SRPRA: variants seen among roughly 807,000 people sequenced by gnomAD.
The protein encoded by SRPRA is SRP receptor subunit alpha.
A neutral mutation model predicts 61.1 loss-of-function variants in SRPRA; 30 were observed. The ratio of observed to expected loss-of-function variants is 0.49; its 90% confidence interval spans 0.37 to 0.67. The LOEUF is 0.67. SRPRA is among the 30% of genes least tolerant of loss of function. SRPRA has a pLI of 0.00. For missense variants in SRPRA, 759 were observed against 828.4 expected (o/e 0.92, Z 1.03); for synonymous variants, 324 against 299.7 (o/e 1.08, Z -0.84).
chr11:126,261,775 G>C (rs1287761494), downstream of SRPRA, among the ~76,000 whole-genome samples: 1 of 152,156 alleles, frequency 6.6e-6, no homozygotes, highest in Non-Finnish European at 1.5e-5. Flanking sequence ...GATTGCTTGA[G>C]CCCAGGAGTT....
chr11:126,262,406 G>A, downstream of SRPRA: 2 of 522,666 alleles, frequency 3.8e-6, no homozygotes, highest in South Asian at 5.1e-5. Flanking sequence ...AGACATGCTT[G>A]TGTCCACACA....
rs772765611 is a variant in SRPRA at position 126,268,696 on chromosome 11, G to C, written c.109C>G (p.Leu37Val). 1.2e-6 allele frequency: 2 copies of C among 1,613,476 alleles called. No individual in the cohort carries two copies. Among genetic ancestry groups the C allele is most frequent in the Non-Finnish European group, 1.7e-6 (2 of 1,179,668 alleles). The stretch of plus-strand genomic sequence containing the variant: ...TCCCACGGGGACGGTACCTGCAGCA[G>C]CACGGAACGAATCAACGCGTTAACG... The part of the protein sequence containing the change: ...GPVNALIRSV[L>V]LQERGGNNSF... The change falls in exon 1 of 14, where the codon CTG becomes GTG. Residue 37 changes from leucine to valine, a missense_variant. Physicochemically the swap from Leu to Val is conservative, Grantham distance 32 (BLOSUM62 1). Coordinates refer to ENST00000332118, the MANE Select transcript of SRPRA (RefSeq NM_003139.4).
At chr11:126,242,498 C>G in the SRPRA span, among the ~76,000 whole-genome samples, 5 of 151,932 alleles carry the variant, frequency 3.3e-5, no homozygotes, top group Non-Finnish European at 7.4e-5. Context: ...ATCTCATAGG[C>G]GTATAATATC....
Position 126,265,410 on chromosome 11 carries a change from T to C in SRPRA, c.1169A>G (p.Gln390Arg). The C allele has an allele frequency of 1.9e-6, 3 of 1,613,600 alleles. No homozygotes were observed. The highest frequency in any genetic ancestry group is 1.1e-5 in the South Asian group (1 of 91,074). The change falls in exon 10 of 14, where the codon CAG becomes CGG. Residue 390 changes from glutamine (Q) to arginine (R), a missense_variant. By Grantham distance (43) the Gln-to-Arg change is conservative. Around this residue, in one of 2 missense-constraint regions of SRPRA, gnomAD observed 284 missense variants for 365.9 expected, o/e 0.78. Transcript: ENST00000332118. This position sits in a 1 kb window ranked among gnomAD's most constrained non-coding sequence, Gnocchi z 6.3. The stretch of plus-strand genomic sequence containing the variant: ...CTGCAGAATCTGCACCAGGGACTCC[T>C]GTAGGGCTTGCTTTACTGTGGAAGT... ...TVTSTVKQALQESLVQILQPQ... is the reference protein window; with the variant it reads ...TVTSTVKQALRESLVQILQPQ...
chr11:126,256,186 A>T, the SRPRA span, among the ~76,000 whole-genome samples: 1 of 152,188 alleles, frequency 6.6e-6, no homozygotes, highest in Non-Finnish European at 1.5e-5. The surrounding 1 kb of genome is among the most constrained non-coding windows in gnomAD (Gnocchi z 6.6). Flanking sequence ...GAGTCACTTG[A>T]ACCAGGGTGG....
the SRPRA span, among the ~76,000 whole-genome samples, chr11:126,243,528 A>C: frequency 4.6e-5 from 7 of 151,988 alleles, no homozygotes; most frequent in African/African-American, 1.7e-4. Flanking sequence ...GGACACAAAA[A>C]TCCTCAACAA....
At chr11:126,254,142 G>A in the SRPRA span, among the ~76,000 whole-genome samples, 1 of 152,206 alleles carries the variant, frequency 6.6e-6, no homozygotes, top group Non-Finnish European at 1.5e-5. Flanking sequence ...CATTCCTGAA[G>A]TGGAAACTTA....
At chr11:126,238,862 C>T in the SRPRA span, among the ~76,000 whole-genome samples, 9 of 150,712 alleles carry the variant, frequency 6.0e-5, no homozygotes, top group East Asian at 1.7e-3. Context: ...ACCTAGCCTA[C>T]TTTTTAGGTA....
the SRPRA span, among the ~76,000 whole-genome samples, chr11:126,256,013 G>A: frequency 1.3e-5 from 2 of 152,154 alleles, no homozygotes; most frequent in African/African-American, 2.4e-5. The surrounding 1 kb of genome is among the most constrained non-coding windows in gnomAD (Gnocchi z 6.6). Flanking sequence ...GCTCACGCCT[G>A]TAATCCCAGC....
At chr11:126,238,895 A>G in the SRPRA span, among the ~76,000 whole-genome samples, 2 of 151,892 alleles carry the variant, frequency 1.3e-5, no homozygotes, top group African/African-American at 2.4e-5. Context: ...AAAAAAAAAA[A>G]GTAACTATTA....
Position 126,267,249 on chromosome 11 carries a change from G to A in SRPRA, c.452C>T (p.Ser151Phe). 6.2e-7 allele frequency: 1 copy of A among 1,613,958 alleles called. No homozygotes were observed. The highest frequency in any genetic ancestry group is 8.5e-7 in the Non-Finnish European group (1 of 1,180,004). Residue 151 changes from serine to phenylalanine, a missense_variant, in exon 4 of 14, where the codon TCC becomes TTC. Physicochemically the swap from Ser to Phe is radical, Grantham distance 155. Transcript: ENST00000332118. The surrounding 1 kb of genome is among the most constrained non-coding windows in gnomAD (Gnocchi z 4.2). ...CTTTTCCCCCCGTGTCTCAATCATG[G>A]ACCTCACAGGTTTCTTGGCCTTTTC... ...DSEKAKKPVRSMIETRGEKPK... is the reference protein window; with the variant it reads ...DSEKAKKPVRFMIETRGEKPK...
Position 126,265,902 on chromosome 11 carries a change from G to A in SRPRA, c.1051+61C>T, listed in dbSNP as rs561659138. On this transcript the variant is annotated intron_variant, in intron 8 of 13. Coordinates refer to ENST00000332118, the MANE Select transcript of SRPRA (RefSeq NM_003139.4). The surrounding 1 kb of genome is among the most constrained non-coding windows in gnomAD (Gnocchi z 6.3). ...ATGGTACAGGTGAGAAACGCTAGGT[G>A]ATTCTGCTCTCAACTACCCCTATCC... 1 of 1,610,136 alleles carries A rather than the reference G, an allele frequency of 6.2e-7. No individual in the cohort carries two copies. Among genetic ancestry groups the A allele is most frequent in the African/African-American group, 1.3e-5 (1 of 74,980 alleles).
At position 126,265,282 on chromosome 11, in the gene SRPRA, T is replaced by A; in HGVS notation, c.1297A>T (p.Thr433Ser). 1 of 1,614,098 alleles carries A rather than the reference T, an allele frequency of 6.2e-7. No individual in the cohort carries two copies. Among genetic ancestry groups the A allele is most frequent in the Non-Finnish European group, 8.5e-7 (1 of 1,180,010 alleles). Residue 433 changes from threonine (T) to serine (S), a missense_variant, in exon 10 of 14, where the codon ACT becomes TCT. Physicochemically the swap from Thr to Ser is moderately conservative, Grantham distance 58 (BLOSUM62 1). Coordinates refer to ENST00000332118, the MANE Select transcript of SRPRA (RefSeq NM_003139.4). This position sits in a 1 kb window ranked among gnomAD's most constrained non-coding sequence, Gnocchi z 6.3. ...ACTGCACTGACCTTGGCAAGATTAG[T>A]AGATTTCCCCACTCCATTAACGCCG... ...FCGVNGVGKS[T>S]NLAKISFWLL...
the SRPRA span, among the ~76,000 whole-genome samples, chr11:126,251,901 C>CA: frequency 6.6e-6 from 1 of 151,954 alleles, no homozygotes; most frequent in East Asian, 1.9e-4. Context: ...AGGCTAGTCT[C>CA]AAACTCCTGA....
chr11:126,254,378 G>A, the SRPRA span: 1 of 1,614,212 alleles, frequency 6.2e-7, no homozygotes, highest in Non-Finnish European at 8.5e-7. Flanking sequence ...AACCCTAGTG[G>A]CATTGTCCTT....
chr11:126,262,143 A>G, downstream of SRPRA: 1 of 1,614,098 alleles, frequency 6.2e-7, no homozygotes, highest in Non-Finnish European at 8.5e-7. Context: ...AGCGAGCTAG[A>G]GAAATCACCA....
the SRPRA span, among the ~76,000 whole-genome samples, chr11:126,246,616 T>A: frequency 1.3e-5 from 2 of 152,152 alleles, no homozygotes; most frequent in Non-Finnish European, 2.9e-5. Flanking sequence ...TTTCTTTCTT[T>A]TTTTAAATAG....
At position 126,265,584 on chromosome 11, in the gene SRPRA, A is replaced by T; in HGVS notation, c.1139-144T>A. On this transcript the variant is annotated intron_variant, in intron 9 of 13. Transcript: ENST00000332118. The surrounding 1 kb of genome is among the most constrained non-coding windows in gnomAD (Gnocchi z 6.3). ...TCCAGAACAGACGCACATTACAAGG[A>T]CTAACTCACTGAATCCTCTCAATAA... 2 of 1,193,560 alleles carry T rather than the reference A, an allele frequency of 1.7e-6. No individual in the cohort carries two copies. Among genetic ancestry groups the T allele is most frequent in the Middle Eastern group, 2.2e-4 (1 of 4,546 alleles). 73.9% of individuals were successfully genotyped at this position (1,193,560 alleles called of 1,614,324 possible).
the SRPRA span, among the ~76,000 whole-genome samples, chr11:126,251,220 T>C: frequency 1.3e-5 from 2 of 152,248 alleles, no homozygotes; most frequent in Non-Finnish European, 1.5e-5. Flanking sequence ...ATACTGTACC[T>C]ACCATAATTA....
Sources: gnomAD v4.1 joint callset for allele counts (sites outside exome capture counted in the v4.1 genomes callset) on GRCh38, gnomAD v4.1.1 for gene constraint, gnomAD v4.1.1 regional missense constraint, Gnocchi (gnomAD v3.1) non-coding constraint, MANE v1.5 for transcripts, NCBI Gene and HGNC (gene_info 2026-07-23, HGNC 2026-07-21) for gene names.